SCGB2B2: variants seen among roughly 807,000 people sequenced by gnomAD.
SCGB2B2 encodes the protein secretoglobin family 2B member 2.
SCGB2B2 carries 11 observed loss-of-function variants against 7.6 expected under a neutral mutation model. The ratio of observed to expected loss-of-function variants is 1.45; its 90% CI spans 0.91 to 2.40. The LOEUF is 2.40. Among genes scored for constraint, SCGB2B2 ranks in the 30% most tolerant of loss-of-function variants. The pLI is 0.00. For missense variants in SCGB2B2, 104 were observed against 115.4 expected (o/e 0.90, Z 0.45); for synonymous variants, 50 against 48.6 (o/e 1.03, Z -0.12).
At chr19:34,648,989 G>A (rs1192341949) in intron 1 of SCGB2B2, among the ~76,000 whole-genome samples, 1 of 151,964 alleles carries the variant, frequency 6.6e-6, no homozygotes, top group Non-Finnish European at 1.5e-5. Context: ...TGCAACCTCC[G>A]GCTCCCGGGT....
chr19:34,649,386 A>T (rs2067105660), intron 1 of SCGB2B2, among the ~76,000 whole-genome samples: 1 of 152,160 alleles, frequency 6.6e-6, no homozygotes, highest in African/African-American at 2.4e-5. Flanking sequence ...CTGGGTTTGG[A>T]GTTTCAGTGT....
chr19:34,662,623 C>A lies in SCGB2B2; in HGVS notation c.-2032+13007G>T, dbSNP rs111287288. ...ACCATAAGGAAAATACAAAGCTGAT[C>A]CACAGTGTTGGGGAACACATTTCCC... On this transcript the variant is annotated intron_variant, in intron 1 of 3. Transcript: ENST00000601241. 8.5e-3 allele frequency among the ~76,000 whole-genome samples: 1,289 copies of A among 152,088 alleles called. 20 individuals are homozygous for A. The highest frequency in any genetic ancestry group is 0.03 in the African/African-American group (1,236 of 41,484).
intron 1 of SCGB2B2, chr19:34,637,685 G>T (rs6510440): frequency 0.95 from 145,414 of 152,772 alleles, 69,618 homozygotes; most frequent in Middle Eastern, 0.99. Flanking sequence ...TTATTTATAT[G>T]GTTTTTATTT....
intron 1 of SCGB2B2, among the ~76,000 whole-genome samples, chr19:34,597,422 G>A (rs1361270668): frequency 1.3e-5 from 2 of 149,488 alleles, no homozygotes; most frequent in Admixed American, 1.3e-4. Flanking sequence ...AAGTCACCAG[G>A]CTGGAGACAT....
intron 1 of SCGB2B2, among the ~76,000 whole-genome samples, chr19:34,623,677 G>A (rs569353081): frequency 6.6e-6 from 1 of 152,278 alleles, no homozygotes; most frequent in East Asian, 1.9e-4. Context: ...GCAGTAGTTG[G>A]ATTTGAGTAA....
At chr19:34,611,352 A>C (rs188918026) in intron 1 of SCGB2B2, among the ~76,000 whole-genome samples, 15 of 151,880 alleles carry the variant, frequency 9.9e-5, no homozygotes, top group Non-Finnish European at 1.3e-4. Context: ...TTTTCCTCCT[A>C]CTAATTTTGG....
At chr19:34,658,245 T>C (rs767748909) in intron 1 of SCGB2B2, among the ~76,000 whole-genome samples, 34 of 151,600 alleles carry the variant, frequency 2.2e-4, no homozygotes, top group Non-Finnish European at 4.7e-4. Context: ...ATAACTAAGA[T>C]CAGAGCAGAA....
downstream of SCGB2B2, among the ~76,000 whole-genome samples, chr19:34,589,749 G>A (rs1023523365): frequency 6.6e-6 from 1 of 151,970 alleles, no homozygotes; most frequent in African/African-American, 2.4e-5. Context: ...TGATGGAGGA[G>A]GAGGGTGAGT....
At chr19:34,643,704 T>A (rs1376280883) in intron 1 of SCGB2B2, among the ~76,000 whole-genome samples, 1 of 152,140 alleles carries the variant, frequency 6.6e-6, no homozygotes, top group African/African-American at 2.4e-5. Flanking sequence ...GAAAATATTA[T>A]GTATCAATTA....
intron 1 of SCGB2B2, among the ~76,000 whole-genome samples, chr19:34,649,678 G>A (rs1456975860): frequency 2.0e-5 from 3 of 151,978 alleles, no homozygotes; most frequent in African/African-American, 7.3e-5. Context: ...GTGAAACCCC[G>A]TCTCCACTAA....
At chr19:34,647,344 T>G (rs1305828528) in intron 1 of SCGB2B2, among the ~76,000 whole-genome samples, 1 of 152,026 alleles carries the variant, frequency 6.6e-6, no homozygotes, top group South Asian at 2.1e-4. Flanking sequence ...CTGGGGAAGG[T>G]CCCTCCCCAA....
At chr19:34,642,714 C>CAAAAAAAA (rs55922005) in intron 1 of SCGB2B2, among the ~76,000 whole-genome samples, 1,015 of 39,848 alleles carry the variant, frequency 0.025, 240 homozygotes, top group Non-Finnish European at 0.034. Flanking sequence ...GACTCCGTCT[C>CAAAAAAAA]AAAAAAAAAA....
downstream of SCGB2B2, among the ~76,000 whole-genome samples, chr19:34,590,389 C>T (rs1240426812): frequency 2.5e-4 from 38 of 151,644 alleles, 1 homozygote; most frequent in Admixed American, 2.0e-3. Flanking sequence ...GTTCATCCAT[C>T]CATCCATTCA....
chr19:34,614,258 G>A (rs1230935255), intron 1 of SCGB2B2, among the ~76,000 whole-genome samples: 2 of 151,936 alleles, frequency 1.3e-5, no homozygotes, highest in African/African-American at 2.4e-5. Context: ...TATTCACCTA[G>A]TGGTGTTGCA....
intron 1 of SCGB2B2, among the ~76,000 whole-genome samples, chr19:34,669,714 T>TACACACACACACACACACACACACAAAC (rs1555750462): frequency 7.2e-6 from 1 of 139,498 alleles, no homozygotes; most frequent in Non-Finnish European, 1.5e-5. Flanking sequence ...TGCCCCCACT[T>TACACACACACACACACACACACACAAAC]ACACACACAC....
chr19:34,594,060 G>A, intron 3 of SCGB2B2, 115 bp downstream of exon 3: 1 of 853,786 alleles, frequency 1.2e-6, no homozygotes, highest in Non-Finnish European at 1.9e-6. Flanking sequence ...TGCGCATCCT[G>A]GGATGTGGCT....
In SCGB2B2 at chr19:34,676,725, A is replaced by G. The variant is rs2067964904; in HGVS notation, c.-3127T>C. The G allele has an allele frequency of 6.6e-6, 1 of 152,228 alleles. No homozygotes were observed. The highest frequency in any genetic ancestry group is 2.4e-5 in the African/African-American group (1 of 41,462). 9.4% of individuals were successfully genotyped at this position (152,228 alleles called of 1,614,324 possible). A position where few individuals can be genotyped will look rare whatever the true frequency, so the allele number is the denominator to read the frequency against. On this transcript the variant is annotated 5_prime_UTR_variant, in exon 1 of 4. Transcript: ENST00000601241. ...CGAAGATCATGCAGGTCAGTACTTA[A>G]TAAGTACAAAAAAGTCTATAGCGAC... is the stretch of plus-strand genomic sequence containing the variant.
chr19:34,613,086 C>T (rs917630714), intron 1 of SCGB2B2, among the ~76,000 whole-genome samples: 1 of 129,784 alleles, frequency 7.7e-6, no homozygotes, highest in Admixed American at 8.0e-5. Context: ...TTTTTTCCAT[C>T]TCTTCATTTT....
chr19:34,606,558 A>G (rs1394246490), intron 1 of SCGB2B2, among the ~76,000 whole-genome samples: 3 of 150,910 alleles, frequency 2.0e-5, no homozygotes, highest in Admixed American at 2.0e-4. Context: ...TAAGATATAA[A>G]TTTTTATCAA....
Sources: gnomAD v4.1 joint callset for allele counts (sites outside exome capture counted in the v4.1 genomes callset) on GRCh38, gnomAD v4.1.1 for gene constraint, MANE v1.5 for transcripts, NCBI Gene and HGNC (gene_info 2026-07-23, HGNC 2026-07-21) for gene names.